The following PPP1R9B variants were observed in gnomAD, a reference collection of about 807,000 sequenced individuals.
The protein encoded by PPP1R9B is protein phosphatase 1 regulatory subunit 9B.
PPP1R9B carries 17 observed loss-of-function variants against 75.8 expected under a neutral mutation model. The observed-to-expected ratio is 0.22, with a 90% CI of 0.15 to 0.34. The LOEUF (loss-of-function observed/expected upper bound fraction) is 0.34, where lower values mean the gene tolerates loss of function less well. Ranked by LOEUF, PPP1R9B falls within the 10% of genes least tolerant of loss-of-function variation. The pLI, the probability that PPP1R9B is intolerant of heterozygous loss-of-function variation, is 1.00. For synonymous variants in PPP1R9B, 509 were observed against 535.4 expected (o/e 0.95, Z 0.68); for missense variants, 875 against 1,196.0 (o/e 0.73, Z 3.96).
chr17:50,134,767 G>A lies in PPP1R9B; in HGVS notation c.*564C>T. 1 of 161,124 alleles carries A rather than the reference G, an allele frequency of 6.2e-6. No homozygotes were observed. Among genetic ancestry groups the A allele is most frequent in the Non-Finnish European group, 1.4e-5 (1 of 73,184 alleles). 10.0% of individuals were successfully genotyped at this position (161,124 alleles called of 1,614,324 possible). On this transcript the variant is annotated 3_prime_UTR_variant, in exon 10 of 10. Coordinates refer to ENST00000612501, the MANE Select transcript of PPP1R9B (RefSeq NM_032595.5). The stretch of plus-strand genomic sequence containing the variant: ...TCTGGGGTGGACTCTATCCCTCCCA[G>A]GACAGGGAACAGGGATGGGGGAGGT...
intron 8 of PPP1R9B, 50 bp downstream of exon 8, chr17:50,135,914 CAAAA>C: frequency 7.2e-7 from 1 of 1,379,974 alleles, no homozygotes; most frequent in Non-Finnish European, 9.9e-7. Flanking sequence ...GGACTGTCCC[CAAAA>C]GCCTCTCAAT....
Position 50,150,019 on chromosome 17 carries a change from G to C in PPP1R9B, c.495C>G (p.Ala165=), listed in dbSNP as rs1208678378. 6.7e-7 allele frequency: 1 copy of C among 1,482,084 alleles called. No homozygotes were observed. The highest frequency in any genetic ancestry group is 1.3e-5 in the South Asian group (1 of 78,086). The allele number at this position is 1,482,084 out of a possible 1,614,324, so 91.8% of individuals were successfully genotyped here. A position where few individuals can be genotyped will look rare whatever the true frequency, so the allele number is the denominator to read the frequency against. Reference sequence around the variant, plus strand: ...CCTGCCTCAGCAGCCGCCGCGCCGCGGCCTCCTTGTCGCCGCCTGCGGCCG... The same window carrying C: ...CCTGCCTCAGCAGCCGCCGCGCCGCCGCCTCCTTGTCGCCGCCTGCGGCCG... ...APAAAGGDKE[A]AARRLLRQER... The change falls in exon 1 of 10, where the codon GCC becomes GCG. Residue 165 remains alanine (A), a synonymous_variant. Transcript: ENST00000612501. The surrounding 1 kb of genome is among the most constrained non-coding windows in gnomAD (Gnocchi z 8.7).
intron 1 of PPP1R9B, among the ~76,000 whole-genome samples, chr17:50,147,755 T>TGGGAGAGGACCCCGCAGGTCCCAGCCCAG (rs1333744238): frequency 1.3e-5 from 2 of 151,894 alleles, no homozygotes; most frequent in African/African-American, 4.8e-5. Flanking sequence ...GGAAAGGGGT[T>TGGGAGAGGACCCCGCAGGTCCCAGCCCAG]GGGAGAGGAC....
chr17:50,135,761 G>T, intron 8 of PPP1R9B, 112 bp from the exon 9 acceptor site: 3 of 1,027,476 alleles, frequency 2.9e-6, no homozygotes, highest in Non-Finnish European at 4.3e-6. Context: ...CCTGTTCTCA[G>T]GTCAGGAGGC....
intron 7 of PPP1R9B, among the ~76,000 whole-genome samples, chr17:50,137,108 G>A (rs1912251732): frequency 6.6e-6 from 1 of 151,980 alleles, no homozygotes; most frequent in Non-Finnish European, 1.5e-5. Context: ...TGCCTGGAAT[G>A]TCCCCCATCT....
rs2144452223 is a variant in PPP1R9B, at chr17:50,145,183, T to C, written c.1434A>G (p.Ala478=). 2 of 1,614,006 alleles carry C rather than the reference T, an allele frequency of 1.2e-6. No individual in the cohort carries two copies. Among genetic ancestry groups the C allele is most frequent in the Non-Finnish European group, 1.7e-6 (2 of 1,179,888 alleles). The change falls in exon 2 of 10, where the codon GCA becomes GCG. Residue 478 remains alanine (A), a synonymous_variant. Coordinates refer to ENST00000612501, the MANE Select transcript of PPP1R9B (RefSeq NM_032595.5). The stretch of plus-strand genomic sequence containing the variant: ...TCTCCAGCTCGTACTCAGCAGAGGC[T>C]GCCATGGGATCCACATCCTCGTTGC... ...DRRNEDVDPM[A]ASAEYELEKR...
At chr17:50,144,348 C>A (rs1368192894) in intron 2 of PPP1R9B, among the ~76,000 whole-genome samples, 5 of 152,138 alleles carry the variant, frequency 3.3e-5, no homozygotes, top group African/African-American at 1.2e-4. Flanking sequence ...GGATTCTACC[C>A]CTGGAGATCT....
chr17:50,141,431 T>TA (rs1478136942), intron 3 of PPP1R9B, 58 bp from the exon 4 acceptor site: 1 of 1,169,514 alleles, frequency 8.6e-7, no homozygotes, highest in Non-Finnish European at 1.2e-6. Flanking sequence ...AGGGTAGAGG[T>TA]AGCCTCCTCC....
intron 1 of PPP1R9B, among the ~76,000 whole-genome samples, chr17:50,148,717 C>T (rs1912586355): frequency 6.6e-6 from 1 of 152,232 alleles, no homozygotes; most frequent in Non-Finnish European, 1.5e-5. Context: ...GGAAAGCACC[C>T]CGGCCCCCTC....
At position 50,149,169 on chromosome 17, in the gene PPP1R9B, T is replaced by C; in HGVS notation, c.1345A>G (p.Ile449Val). The C allele has an allele frequency of 6.5e-7, 1 of 1,540,382 alleles. No homozygotes were observed. Among genetic ancestry groups the C allele is most frequent in the Non-Finnish European group, 8.8e-7 (1 of 1,142,800 alleles). ...EEEDPAPSRKIHFSTAPIQVF... is the reference protein window; with the variant it reads ...EEEDPAPSRKVHFSTAPIQVF... ...TGGATGGGCGCCGTGCTGAAATGGA[T>C]CTTCCGGCTCGGGGCTGGGTCCTCC... Residue 449 changes from isoleucine (I) to valine (V), a missense_variant, in exon 1 of 10, where the codon ATC becomes GTC. By Grantham distance (29) the Ile-to-Val change is conservative. Around this residue, in one of 4 missense-constraint regions of PPP1R9B, gnomAD observed 63 missense variants for 160.2 expected, o/e 0.39. Transcript: ENST00000612501. The surrounding 1 kb of genome is among the most constrained non-coding windows in gnomAD (Gnocchi z 7.2).
intron 2 of PPP1R9B, 80 bp from the exon 3 acceptor site, chr17:50,143,798 GCCC>G (rs567735921): frequency 1.3e-6 from 2 of 1,580,600 alleles, no homozygotes; most frequent in Admixed American, 1.7e-5. Flanking sequence ...CCAGGGCACA[GCCC>G]CCCCATCAGG....
Position 50,149,712 on chromosome 17 carries a change from C to T in PPP1R9B, c.802G>A (p.Glu268Lys). 3 of 1,412,650 alleles carry T rather than the reference C, an allele frequency of 2.1e-6. No homozygotes were observed. Among genetic ancestry groups the T allele is most frequent in the East Asian group, 5.8e-5 (2 of 34,680 alleles). The allele number at this position is 1,412,650 out of a possible 1,614,324, so 87.5% of individuals were successfully genotyped here. ...TGCCCTGCGGGGCATCGCTCTTTCT[C>T]GGCCGGGGCATCCCCCGACGGGGCG... ...PPAPSGDAPA[E>K]KERCPAGQQP... is the part of the protein sequence containing the mutation. Residue 268 changes from glutamate (E) to lysine (K), a missense_variant, in exon 1 of 10, where the codon GAG becomes AAG. Glu to Lys is a moderately conservative substitution (Grantham distance 56). Coordinates refer to ENST00000612501, the MANE Select transcript of PPP1R9B (RefSeq NM_032595.5). The surrounding 1 kb of genome is among the most constrained non-coding windows in gnomAD (Gnocchi z 7.2).
chr17:50,135,550 C>T lies in PPP1R9B; in HGVS notation c.2400+3G>A. The T allele has an allele frequency of 1.2e-6, 2 of 1,610,182 alleles. No individual in the cohort carries two copies. The highest frequency in any genetic ancestry group is 1.7e-6 in the Non-Finnish European group (2 of 1,177,992). ...CCCTGCCCACAGGGCGCCCCAGGCC[C>T]ACCTTGTCCAGGAGCTTGTCCATCT... On this transcript the variant is annotated splice_donor_region_variant and intron_variant, in intron 9 of 9. Transcript: ENST00000612501.
At chr17:50,148,157 G>A (rs909439612) in intron 1 of PPP1R9B, among the ~76,000 whole-genome samples, 2 of 152,146 alleles carry the variant, frequency 1.3e-5, no homozygotes, top group African/African-American at 4.8e-5. Flanking sequence ...TCCCCCCAGG[G>A]GATGTTCCCT....
rs1246585569 is a variant in PPP1R9B at position 50,142,373 on chromosome 17, C to G, written c.1626-1000G>C. ...GTGGGCATGAGTGAGTGGCCACGGC[C>G]ACCATGCACACTCACTCCTTAGACA... On this transcript the variant is annotated intron_variant, in intron 3 of 9. Coordinates refer to ENST00000612501, the MANE Select transcript of PPP1R9B (RefSeq NM_032595.5). The surrounding 1 kb of genome is among the most constrained non-coding windows in gnomAD (Gnocchi z 4.1). 6.6e-6 allele frequency among the ~76,000 whole-genome samples: 1 copy of G among 152,168 alleles called. No individual in the cohort carries two copies. Among genetic ancestry groups the G allele is most frequent in the African/African-American group, 2.4e-5 (1 of 41,434 alleles).
In PPP1R9B at chr17:50,150,542, T is replaced by A. The variant is rs780013057; in HGVS notation, c.-29A>T. 635 of 1,285,942 alleles carry A rather than the reference T, an allele frequency of 4.9e-4. No homozygotes were observed. Among genetic ancestry groups the A allele is most frequent in the Admixed American group, 6.3e-4 (15 of 23,766 alleles). 79.7% of individuals were successfully genotyped at this position (1,285,942 alleles called of 1,614,324 possible). ...GGGGGGAGCCGGGTTCGCATGCCCCTGCTCCCCGCTCCCCCGCTTCAACAG... is the reference window on the plus strand; with the variant it reads ...GGGGGGAGCCGGGTTCGCATGCCCCAGCTCCCCGCTCCCCCGCTTCAACAG... On this transcript the variant is annotated 5_prime_UTR_variant, in exon 1 of 10. Coordinates refer to ENST00000612501, the MANE Select transcript of PPP1R9B (RefSeq NM_032595.5). The surrounding 1 kb of genome is among the most constrained non-coding windows in gnomAD (Gnocchi z 8.7).
rs1177215626 is a variant in PPP1R9B at position 50,135,028 on chromosome 17, TGCAGG to T, written c.*298_*302del. 1 of 464,302 alleles carries T rather than the reference TGCAGG, an allele frequency of 2.2e-6. No individual in the cohort carries two copies. The highest frequency in any genetic ancestry group is 4.0e-6 in the Non-Finnish European group (1 of 252,968). 28.8% of individuals were successfully genotyped at this position (464,302 alleles called of 1,614,324 possible). On this transcript the variant is annotated 3_prime_UTR_variant, in exon 10 of 10. Coordinates refer to ENST00000612501, the MANE Select transcript of PPP1R9B (RefSeq NM_032595.5). Reference sequence around the variant, plus strand: ...GTGTGTAAAGTCTGGCAGTTTGATCTGCAGGTGCTTGTGTCCGTCGACCACCAGGC... The same window carrying T: ...GTGTGTAAAGTCTGGCAGTTTGATCTTGCTTGTGTCCGTCGACCACCAGGC...
Position 50,135,983 on chromosome 17 carries a change from T to C in PPP1R9B, c.2288A>G (p.Lys763Arg). 2 of 1,550,212 alleles carry C rather than the reference T, an allele frequency of 1.3e-6. No homozygotes were observed. Among genetic ancestry groups the C allele is most frequent in the Non-Finnish European group, 1.8e-6 (2 of 1,138,690 alleles). Residue 763 changes from lysine to arginine, a missense_variant, in exon 8 of 10, where the codon AAG (lysine) becomes AGG (arginine). Around this residue, in one of 4 missense-constraint regions of PPP1R9B, gnomAD observed 218 missense variants for 334.6 expected, o/e 0.65. Coordinates refer to ENST00000612501, the MANE Select transcript of PPP1R9B (RefSeq NM_032595.5). Reference protein sequence around the residue: ...RKYSKAKRLIKDYQQKEIEFL... With the variant: ...RKYSKAKRLIRDYQQKEIEFL... ...AGCCACGTACTTCTGCTGGTAGTCCTTGATGAGGCGCTTGGCCTTGCTGTA... is the reference window on the plus strand; with the variant it reads ...AGCCACGTACTTCTGCTGGTAGTCCCTGATGAGGCGCTTGGCCTTGCTGTA...
In PPP1R9B at chr17:50,149,062, C is replaced by CGGCT. The variant is rs940783763; in HGVS notation, c.1371+77_1371+80dup. The CGGCT allele has an allele frequency of 9.6e-6, 10 of 1,043,016 alleles. No individual in the cohort carries two copies. Among genetic ancestry groups the CGGCT allele is most frequent in the South Asian group, 3.8e-5 (2 of 52,630 alleles). 64.6% of individuals were successfully genotyped at this position (1,043,016 alleles called of 1,614,324 possible). ...AGGGGCTGACTCAGCCTGCCAAACC[C>CGGCT]GGCTGGCTGGCTGGCGAGCGGGGGC... On this transcript the variant is annotated intron_variant, in intron 1 of 9. Transcript: ENST00000612501. This position sits in a 1 kb window ranked among gnomAD's most constrained non-coding sequence, Gnocchi z 7.2.
Sources: allele counts gnomAD v4.1 joint callset (sites outside exome capture counted in the v4.1 genomes callset), GRCh38; gene constraint gnomAD v4.1.1; regional missense constraint gnomAD v4.1.1; non-coding constraint Gnocchi (gnomAD v3.1); transcripts MANE v1.5; gene names NCBI Gene and HGNC (gene_info 2026-07-23, HGNC 2026-07-21).